ALDH1L1: variants seen among roughly 807,000 people sequenced by gnomAD.
ALDH1L1 encodes the protein cytosolic 10-formyltetrahydrofolate dehydrogenase.
Under a neutral mutation model 101.1 loss-of-function variants are expected in ALDH1L1, and 68 were observed. That is an observed-to-expected ratio of 0.67 (90% CI 0.55 to 0.82). The LOEUF is 0.82. Among genes scored for constraint, ALDH1L1 ranks in the 40% least tolerant of loss-of-function variants. The pLI is 0.00. For synonymous variants in ALDH1L1, 486 were observed against 470.8 expected, an observed-to-expected ratio of 1.03 and a Z score of -0.42; for missense variants, 1,087 against 1,172.7, an observed-to-expected ratio of 0.93 and a Z score of 1.07.
At chr3:126,134,258 C>G (rs985370772) in intron 12 of ALDH1L1, among the ~76,000 whole-genome samples, 5 of 151,664 alleles carry the variant, frequency 3.3e-5, no homozygotes, top group Non-Finnish European at 7.4e-5. Context: ...AAGGGGTCCA[C>G]TTACAGCTGC....
intron 7 of ALDH1L1, 77 bp downstream of exon 7, chr3:126,153,367 T>G (rs765730730): frequency 6.3e-7 from 1 of 1,599,106 alleles, no homozygotes; most frequent in East Asian, 2.2e-5. Flanking sequence ...GCCTAGGGTC[T>G]TCCTGTGAGG....
chr3:126,135,535 C>T lies in ALDH1L1; in HGVS notation c.1472G>A (p.Arg491Lys), dbSNP rs149166178. 16 of 1,606,866 alleles carry T rather than the reference C, an allele frequency of 1.0e-5. No homozygotes were observed. Among genetic ancestry groups the T allele is most frequent in the Non-Finnish European group, 1.4e-5 (16 of 1,178,034 alleles). The stretch of plus-strand genomic sequence containing the variant: ...TGGCAGGTACATGTTGGGCTCCCAC[C>T]TGTACATCAGCCGGCCCCGGTCCCG... Reference protein sequence around the residue: ...SARDRGRLMYRLADLMEQHQE... With the variant: ...SARDRGRLMYKLADLMEQHQE... The change falls in exon 12 of 23, where the codon AGG (arginine) becomes AAG (lysine). Residue 491 changes from arginine to lysine, a missense_variant and splice_region_variant. Arg to Lys is a conservative substitution (Grantham distance 26). This residue lies in a region of ALDH1L1 where 645 missense variants were observed against 637.0 expected (regional missense o/e 1.01). Coordinates refer to ENST00000393434, the MANE Select transcript of ALDH1L1 (RefSeq NM_012190.4).
chr3:126,161,472 G>C (rs2108304345), intron 1 of ALDH1L1, among the ~76,000 whole-genome samples: 1 of 152,284 alleles, frequency 6.6e-6, no homozygotes, highest in African/African-American at 2.4e-5. Flanking sequence ...AGGAGCAAGG[G>C]GAGTCCCCGC....
chr3:126,181,190 C>T (rs1283971071), upstream of ALDH1L1: 5 of 623,834 alleles, frequency 8.0e-6, no homozygotes, highest in South Asian at 7.7e-5. Flanking sequence ...CCGCAGACCC[C>T]TCCTCCTGGT....
chr3:126,115,878 T>C (rs1455891170), intron 17 of ALDH1L1, among the ~76,000 whole-genome samples: 1 of 151,908 alleles, frequency 6.6e-6, no homozygotes, highest in Non-Finnish European at 1.5e-5. Context: ...CCCAGCCTTT[T>C]TTTTTTTCCT....
chr3:126,140,570 T>G (rs981808377), intron 9 of ALDH1L1, among the ~76,000 whole-genome samples: 1 of 152,028 alleles, frequency 6.6e-6, no homozygotes, highest in African/African-American at 2.4e-5. Context: ...AATAGGCAAG[T>G]GCATAAAACA....
rs780185152 is a variant in ALDH1L1 at position 126,118,056 on chromosome 3, C to T, written c.1931G>A (p.Arg644Lys). ...GQRLSDHPDVRKIGFTGSTEV... is the reference protein window; with the variant it reads ...GQRLSDHPDVKKIGFTGSTEV... ...TGTGGAGCCTGTGAACCCGATTTTC[C>T]TCACATCAGGATGGTCTGAGAGTCT... Residue 644 changes from arginine to lysine, a missense_variant, in exon 17 of 23, where the codon AGG becomes AAG. Physicochemically the swap from Arg to Lys is conservative, Grantham distance 26. This residue lies in a region of ALDH1L1 where 442 missense variants were observed against 535.7 expected (regional missense o/e 0.83). Coordinates refer to ENST00000393434, the MANE Select transcript of ALDH1L1 (RefSeq NM_012190.4). The T allele has an allele frequency of 4.3e-6, 7 of 1,614,072 alleles. No homozygotes were observed. The highest frequency in any genetic ancestry group is 5.9e-6 in the Non-Finnish European group (7 of 1,180,012).
intron 1 of ALDH1L1, among the ~76,000 whole-genome samples, chr3:126,189,619 G>T (rs2081540722): frequency 6.6e-6 from 1 of 152,202 alleles, no homozygotes; most frequent in African/African-American, 2.4e-5. Flanking sequence ...TTGTCTTCAG[G>T]TTCTAAACTG....
chr3:126,132,175 C>G (rs1162462770), intron 12 of ALDH1L1, among the ~76,000 whole-genome samples: 1 of 152,228 alleles, frequency 6.6e-6, no homozygotes, highest in Non-Finnish European at 1.5e-5. Context: ...GGGTGCCCCT[C>G]TCATCCCCTA....
intron 1 of ALDH1L1, among the ~76,000 whole-genome samples, chr3:126,192,836 G>C (rs557378830): frequency 6.6e-6 from 1 of 152,186 alleles, no homozygotes; most frequent in African/African-American, 2.4e-5. Context: ...TGAATGATTC[G>C]TGAATCGGGC....
intron 1 of ALDH1L1, among the ~76,000 whole-genome samples, chr3:126,192,520 A>G (rs2081558789): frequency 6.6e-6 from 1 of 152,224 alleles, no homozygotes; most frequent in African/African-American, 2.4e-5. Context: ...GGAGAGCACA[A>G]CAGATCTCGT....
intron 16 of ALDH1L1, among the ~76,000 whole-genome samples, chr3:126,121,998 A>T (rs532012338): frequency 6.6e-6 from 1 of 152,350 alleles, no homozygotes; most frequent in South Asian, 2.1e-4. Context: ...TGCCAGATGG[A>T]GAAGACAGTA....
chr3:126,135,542 T>C lies in ALDH1L1; in HGVS notation c.1465A>G (p.Met489Val). The change falls in exon 12 of 23, where the codon ATG becomes GTG. Residue 489 changes from methionine to valine, a missense_variant. Physicochemically the swap from Met to Val is conservative, Grantham distance 21 (BLOSUM62 1). Around this residue, in one of 2 missense-constraint regions of ALDH1L1, gnomAD observed 645 missense variants for 637.0 expected, o/e 1.01. Coordinates refer to ENST00000393434, the MANE Select transcript of ALDH1L1 (RefSeq NM_012190.4). ...KISARDRGRL[M>V]YRLADLMEQH... is the part of the protein sequence containing the mutation. ...TACATGTTGGGCTCCCACCTGTACA[T>C]CAGCCGGCCCCGGTCCCGCGCACTG... 6.2e-7 allele frequency: 1 copy of C among 1,607,632 alleles called. No individual in the cohort carries two copies. Among genetic ancestry groups the C allele is most frequent in the East Asian group, 2.3e-5 (1 of 44,372 alleles).
At position 126,114,514 on chromosome 3, in the gene ALDH1L1, G is replaced by C. The variant is rs373804934; in HGVS notation, c.2082+43C>G. 2.1e-6 allele frequency: 3 copies of C among 1,443,424 alleles called. No individual in the cohort carries two copies. In the South Asian group the frequency reaches 4.8e-5, roughly 23 times the overall value. 89.4% of individuals were successfully genotyped at this position (1,443,424 alleles called of 1,614,324 possible). A position where few individuals can be genotyped will look rare whatever the true frequency, so the allele number is the denominator to read the frequency against. On this transcript the variant is annotated intron_variant, in intron 18 of 22. Transcript: ENST00000393434. ...GGGCCTCCTGGTCCCTACAGTCCCT[G>C]TTCCCGCTCACTGTCCCTGCCCCCT...
chr3:126,108,983 G>A (rs1372596104), intron 20 of ALDH1L1, among the ~76,000 whole-genome samples: 1 of 152,212 alleles, frequency 6.6e-6, no homozygotes, highest in Non-Finnish European at 1.5e-5. Flanking sequence ...CCACTTGGGA[G>A]GCTGCTGTGA....
At chr3:126,114,785 C>T (rs891034819) in intron 17 of ALDH1L1, 129 bp from the exon 18 acceptor site, 2 of 812,662 alleles carry the variant, frequency 2.5e-6, no homozygotes, top group Admixed American at 3.8e-5. Flanking sequence ...CGGCCAGTGC[C>T]TCCCCACTCC....
intron 17 of ALDH1L1, 92 bp from the exon 18 acceptor site, chr3:126,114,748 G>T: frequency 8.2e-7 from 1 of 1,224,168 alleles, no homozygotes; most frequent in Non-Finnish European, 1.2e-6. Context: ...TAGGCCCAAA[G>T]CATGCTTTGC....
At position 126,160,896 on chromosome 3, in the gene ALDH1L1, A is replaced by AC. The variant is rs2081033358; in HGVS notation, c.83dup (p.Val29CysfsTer19). ...CATCCTTGTCTGGAACAGTGAACAC[A>AC]CCCACCACTTCGTGGCCCTCCTTCC... On this transcript the variant is annotated frameshift_variant, in exon 2 of 23. Coordinates refer to ENST00000393434, the MANE Select transcript of ALDH1L1 (RefSeq NM_012190.4). LOFTEE classifies it high-confidence loss of function. 6.2e-7 allele frequency: 1 copy of AC among 1,614,166 alleles called. No individual in the cohort carries two copies. Among genetic ancestry groups the AC allele is most frequent in the East Asian group, 2.2e-5 (1 of 44,876 alleles).
In ALDH1L1 at chr3:126,125,229, C is replaced by T. The variant is rs1156515656; in HGVS notation, c.1800+387G>A. On this transcript the variant is annotated intron_variant, in intron 15 of 22. Transcript: ENST00000393434. ...CTCACCCTGCTTCTCTCCAGGACTT[C>T]TGGTCTCGGAAGCCACATAAGGGAC... is the stretch of plus-strand genomic sequence containing the variant. Among the ~76,000 whole-genome samples, 9 of 152,188 alleles carry T rather than the reference C, an allele frequency of 5.9e-5. No homozygotes were observed. In the East Asian group the frequency reaches 1.7e-3, roughly 29 times the overall value.
Sources: gnomAD v4.1 joint callset for allele counts (sites outside exome capture counted in the v4.1 genomes callset) on GRCh38, gnomAD v4.1.1 for gene constraint, gnomAD v4.1.1 regional missense constraint, MANE v1.5 for transcripts, NCBI Gene and HGNC (gene_info 2026-07-23, HGNC 2026-07-21) for gene names.